MARK1: variants seen among roughly 807,000 people sequenced by gnomAD.
MARK1 encodes the protein microtubule affinity regulating kinase 1.
MARK1 carries 40 observed loss-of-function variants against 96.3 expected under a neutral mutation model. The observed-to-expected ratio is 0.42, with a 90% CI of 0.32 to 0.54. MARK1 has a LOEUF of 0.54. Ranked by LOEUF, MARK1 falls within the 20% of genes least tolerant of loss-of-function variation. MARK1 has a pLI of 0.16. For missense variants in MARK1, 719 were observed against 984.6 expected (o/e 0.73, Z 3.61); for synonymous variants, 317 against 341.2 (o/e 0.93, Z 0.78).
intron 1 of MARK1, among the ~76,000 whole-genome samples, chr1:220,532,637 T>C (rs909188423): frequency 2.6e-5 from 4 of 152,172 alleles, no homozygotes; most frequent in Non-Finnish European, 5.9e-5. Context: ...ATAATGAAAA[T>C]CTGACACCTT....
At chr1:220,536,244 T>C (rs1660672497) in intron 1 of MARK1, among the ~76,000 whole-genome samples, 1 of 152,026 alleles carries the variant, frequency 6.6e-6, no homozygotes, top group African/African-American at 2.4e-5. Flanking sequence ...TTGGATACCT[T>C]TTATTTATTT....
intron 1 of MARK1, among the ~76,000 whole-genome samples, chr1:220,565,555 A>G (rs1251825126): frequency 6.7e-6 from 1 of 150,102 alleles, no homozygotes; most frequent in African/African-American, 2.4e-5. Context: ...TGGATTGCCT[A>G]TGAAGAGCGG....
chr1:220,646,412 A>G (rs567037667), intron 13 of MARK1, among the ~76,000 whole-genome samples: 1 of 152,208 alleles, frequency 6.6e-6, no homozygotes, highest in African/African-American at 2.4e-5. Flanking sequence ...TCAGAGGACC[A>G]AAGAAGATGG....
chr1:220,616,699 T>C (rs1378078586), intron 7 of MARK1, among the ~76,000 whole-genome samples: 1 of 152,074 alleles, frequency 6.6e-6, no homozygotes. Flanking sequence ...AAAAGTCAAG[T>C]CTAATTCTGT....
In MARK1 at chr1:220,651,981, GA is replaced by G; in HGVS notation, c.1572-2del. 2 of 1,565,614 alleles carry G rather than the reference GA, an allele frequency of 1.3e-6. No homozygotes were observed. Among genetic ancestry groups the G allele is most frequent in the Non-Finnish European group, 1.7e-6 (2 of 1,144,938 alleles). ...ATGGTCTTCTCAACTGCTTTATGGT[GA>G]AAGCCTTACGGAGATGTCTGTGAGT... On this transcript the variant is annotated splice_region_variant and splice_polypyrimidine_tract_variant and intron_variant, in intron 14 of 17. Transcript: ENST00000366917.
intron 14 of MARK1, 26 bp downstream of exon 14, chr1:220,650,746 A>T (rs765997517): frequency 6.6e-7 from 1 of 1,520,616 alleles, no homozygotes; most frequent in South Asian, 1.1e-5. Context: ...CCAAGTAGTA[A>T]TACCTTTGCT....
intron 1 of MARK1, among the ~76,000 whole-genome samples, chr1:220,556,037 C>G (rs1296235873): frequency 6.6e-6 from 1 of 152,162 alleles, no homozygotes; most frequent in Non-Finnish European, 1.5e-5. Context: ...ATGGTAAGCA[C>G]AAGCTGACAT....
chr1:220,535,594 A>T (rs1235754420), intron 1 of MARK1, among the ~76,000 whole-genome samples: 1 of 152,254 alleles, frequency 6.6e-6, no homozygotes, highest in East Asian at 1.9e-4. Flanking sequence ...TGTCAAGACC[A>T]ATATCATGAA....
intron 2 of MARK1, 74 bp from the exon 3 acceptor site, chr1:220,580,991 A>C: frequency 1.8e-6 from 1 of 559,784 alleles, no homozygotes; most frequent in Non-Finnish European, 2.9e-6. Context: ...TGAAACAGAA[A>C]TTGGATTTTT....
chr1:220,560,531 G>A (rs575681247), intron 1 of MARK1, among the ~76,000 whole-genome samples: 2 of 152,166 alleles, frequency 1.3e-5, no homozygotes, highest in South Asian at 2.1e-4. Flanking sequence ...GGACCATTAC[G>A]AAGTAAAATA....
At chr1:220,639,282 T>A (rs1668139068) in intron 13 of MARK1, among the ~76,000 whole-genome samples, 1 of 151,920 alleles carries the variant, frequency 6.6e-6, no homozygotes, top group African/African-American at 2.4e-5. Context: ...AAAATAAAAA[T>A]AAAAATAAAT....
chr1:220,572,706 A>G (rs1306715083), intron 1 of MARK1, among the ~76,000 whole-genome samples: 2 of 152,222 alleles, frequency 1.3e-5, no homozygotes, highest in Non-Finnish European at 2.9e-5. Flanking sequence ...AAATGAAGAG[A>G]TGGAAAAATG....
chr1:220,602,769 A>AT (rs1470488071), intron 5 of MARK1, among the ~76,000 whole-genome samples: 1 of 152,080 alleles, frequency 6.6e-6, no homozygotes, highest in African/African-American at 2.4e-5. Context: ...TTGTAGATGT[A>AT]TTAGTTTCAT....
chr1:220,591,755 A>T (rs936562813), intron 3 of MARK1, among the ~76,000 whole-genome samples: 26 of 152,050 alleles, frequency 1.7e-4, no homozygotes, highest in African/African-American at 3.1e-4. Flanking sequence ...TTATTTATTT[A>T]TTTTTTGAGT....
At chr1:220,661,048 G>A (rs779056079) in intron 17 of MARK1, among the ~76,000 whole-genome samples, 26 of 152,286 alleles carry the variant, frequency 1.7e-4, no homozygotes, top group Non-Finnish European at 2.8e-4. Context: ...AGTTAGCGTC[G>A]CAGCCATCTG....
At position 220,528,788 on chromosome 1, in the gene MARK1, G is replaced by A; in HGVS notation, c.-35G>A. On this transcript the variant is annotated 5_prime_UTR_variant, in exon 1 of 18. Coordinates refer to ENST00000366917, the MANE Select transcript of MARK1 (RefSeq NM_018650.5). The stretch of plus-strand genomic sequence containing the variant: ...CGGGGCCCGCACCACAGCCCGGCCG[G>A]CGAGACCCCGGCCAGACCCCGCTGC... 1 of 1,544,076 alleles carries A rather than the reference G, an allele frequency of 6.5e-7. No individual in the cohort carries two copies. The highest frequency in any genetic ancestry group is 8.7e-7 in the Non-Finnish European group (1 of 1,144,040).
Position 220,662,217 on chromosome 1 carries a change from A to C in MARK1, c.*51A>C. 7.1e-7 allele frequency: 1 copy of C among 1,404,098 alleles called. No homozygotes were observed. The highest frequency in any genetic ancestry group is 1.8e-5 in the Admixed American group (1 of 54,262). The allele number at this position is 1,404,098 out of a possible 1,614,324, so 87.0% of individuals were successfully genotyped here. ...GAAGATACATACATATATGAGGTACAGTTTTTGAATGTACTGGTAATGCCT... is the reference window on the plus strand; with the variant it reads ...GAAGATACATACATATATGAGGTACCGTTTTTGAATGTACTGGTAATGCCT... On this transcript the variant is annotated 3_prime_UTR_variant, in exon 18 of 18. Transcript: ENST00000366917.
chr1:220,624,707 C>G (rs1212969534), intron 9 of MARK1, among the ~76,000 whole-genome samples: 1 of 151,926 alleles, frequency 6.6e-6, no homozygotes, highest in Non-Finnish European at 1.5e-5. Context: ...CTGACAGGAA[C>G]ATATGGATAT....
intron 1 of MARK1, among the ~76,000 whole-genome samples, chr1:220,534,459 A>T (rs1288698404): frequency 6.6e-6 from 1 of 152,134 alleles, no homozygotes; most frequent in Middle Eastern, 3.4e-3. Flanking sequence ...AACCCTTTCT[A>T]GCCTTTGTTA....
Sources: gnomAD v4.1 joint callset for allele counts (sites outside exome capture counted in the v4.1 genomes callset) on GRCh38, gnomAD v4.1.1 for gene constraint, MANE v1.5 for transcripts, NCBI Gene and HGNC (gene_info 2026-07-23, HGNC 2026-07-21) for gene names.